Variants in DDAH1 observed in about 807,000 individuals in gnomAD.
DDAH1 encodes dimethylarginine dimethylaminohydrolase 1.
A neutral mutation model predicts 28.8 loss-of-function variants in DDAH1; 19 were observed. That is an observed-to-expected ratio of 0.66 (90% CI 0.46 to 0.97). The LOEUF is 0.97. Ranked by LOEUF, DDAH1 falls within the 50% of genes least tolerant of loss-of-function variation. DDAH1 has a pLI of 0.00. For synonymous variants in DDAH1, 153 were observed against 154.4 expected (o/e 0.99, Z 0.07); for missense variants, 326 against 375.9 (o/e 0.87, Z 1.10).
At chr1:85,368,329 G>A (rs1304038846) in intron 1 of DDAH1, among the ~76,000 whole-genome samples, 1 of 152,150 alleles carries the variant, frequency 6.6e-6, no homozygotes, top group Non-Finnish European at 1.5e-5. Context: ...AACCCACGGA[G>A]CCAGGAGAAA....
chr1:85,381,774 T>A (rs1651008828), intron 1 of DDAH1, among the ~76,000 whole-genome samples: 1 of 152,192 alleles, frequency 6.6e-6, no homozygotes, highest in South Asian at 2.1e-4. Flanking sequence ...GCAAGTCTAT[T>A]GATGCCATTC....
At chr1:85,427,274 A>T (rs1252256503) in intron 1 of DDAH1, among the ~76,000 whole-genome samples, 7 of 6,168 alleles carry the variant, frequency 1.1e-3, no homozygotes, top group African/African-American at 1.1e-3. Context: ...AGTGAGCTAA[A>T]AAAAAAAAAA....
At chr1:85,404,887 G>A (rs182961944) in intron 1 of DDAH1, among the ~76,000 whole-genome samples, 2 of 152,258 alleles carry the variant, frequency 1.3e-5, no homozygotes, top group Non-Finnish European at 2.9e-5. Context: ...TTTCTTTGAG[G>A]GAACGCCATT....
chr1:85,525,759 A>G (rs1163756822), intron 1 of DDAH1, among the ~76,000 whole-genome samples: 2 of 152,126 alleles, frequency 1.3e-5, no homozygotes, highest in African/African-American at 4.8e-5. Flanking sequence ...TATCCCTGCA[A>G]GAGAGTAATT....
At chr1:85,348,133 T>C (rs1648981073) in intron 4 of DDAH1, among the ~76,000 whole-genome samples, 1 of 152,180 alleles carries the variant, frequency 6.6e-6, no homozygotes, top group African/African-American at 2.4e-5. Flanking sequence ...ACATCATTAT[T>C]AACACTAACT....
chr1:85,437,697 T>C lies in DDAH1; in HGVS notation c.303+27046A>G, dbSNP rs550098903. 2.9e-3 allele frequency among the ~76,000 whole-genome samples: 442 copies of C among 152,330 alleles called. 1 individual carries two copies. Among genetic ancestry groups the C allele is most frequent in the African/African-American group, 9.9e-3 (411 of 41,578 alleles). The stretch of plus-strand genomic sequence containing the variant: ...TAAGTTTTGGGGGAGTCAAAAGTTA[T>C]ATGCAGTTTTTTTGTGCCAATGTAT... On this transcript the variant is annotated intron_variant, in intron 1 of 5. Transcript: ENST00000284031.
chr1:85,379,814 C>G (rs1650881002), intron 1 of DDAH1: 3 of 562,182 alleles, frequency 5.3e-6, no homozygotes, highest in Non-Finnish European at 6.8e-6. Flanking sequence ...ATCTTTGACT[C>G]CTTCTGAGTT....
chr1:85,485,242 T>C (rs1255754948), intron 2 of DDAH1, among the ~76,000 whole-genome samples: 3 of 152,170 alleles, frequency 2.0e-5, no homozygotes, highest in Admixed American at 6.5e-5. Flanking sequence ...ATAAGTCATA[T>C]GATAAACAAT....
intron 4 of DDAH1, among the ~76,000 whole-genome samples, chr1:85,336,434 GACT>G (rs1170548715): frequency 2.0e-5 from 3 of 151,980 alleles, no homozygotes; most frequent in South Asian, 4.2e-4. Flanking sequence ...GCTCCTGAAT[GACT>G]ACAAGGTCAA....
intron 1 of DDAH1, among the ~76,000 whole-genome samples, chr1:85,404,009 C>T (rs1009113698): frequency 1.3e-5 from 2 of 152,136 alleles, no homozygotes; most frequent in African/African-American, 4.8e-5. Context: ...AAAACAATTT[C>T]TATATCTTAA....
At chr1:85,577,682 C>A (rs2100579939) in intron 1 of DDAH1, among the ~76,000 whole-genome samples, 1 of 152,070 alleles carries the variant, frequency 6.6e-6, no homozygotes, top group South Asian at 2.1e-4. Context: ...GAGAGCCTTC[C>A]TAGGGCTAGG....
intron 1 of DDAH1, among the ~76,000 whole-genome samples, chr1:85,400,823 C>T (rs973520822): frequency 6.6e-6 from 1 of 152,162 alleles, no homozygotes; most frequent in Admixed American, 6.5e-5. Context: ...GTAGACCATA[C>T]ATTGTGTTCC....
At chr1:85,512,614 C>T (rs1042797370) in intron 1 of DDAH1, among the ~76,000 whole-genome samples, 3 of 152,152 alleles carry the variant, frequency 2.0e-5, no homozygotes, top group Non-Finnish European at 2.9e-5. Context: ...TCGTCTCAGC[C>T]CCAAATCTCC....
chr1:85,464,649 G>A lies in DDAH1; in HGVS notation c.303+94C>T. 6.8e-7 allele frequency: 1 copy of A among 1,474,538 alleles called. No homozygotes were observed. Among genetic ancestry groups the A allele is most frequent in the Non-Finnish European group, 9.0e-7 (1 of 1,114,820 alleles). The allele number at this position is 1,474,538 out of a possible 1,614,324, so 91.3% of individuals were successfully genotyped here. A position where few individuals can be genotyped will look rare whatever the true frequency, so the allele number is the denominator to read the frequency against. ...GGGAAGTTGTGAACTACTAGCCCGA[G>A]GGCCAATGGCGCGACTCCCCAGGCA... is the stretch of plus-strand genomic sequence containing the variant. On this transcript the variant is annotated intron_variant, in intron 1 of 5. Transcript: ENST00000284031. The surrounding 1 kb of genome is among the most constrained non-coding windows in gnomAD (Gnocchi z 4.4).
chr1:85,510,962 A>T (rs1657204703), intron 1 of DDAH1, among the ~76,000 whole-genome samples: 1 of 152,238 alleles, frequency 6.6e-6, no homozygotes, highest in African/African-American at 2.4e-5. Context: ...GTTAACAAGG[A>T]TATCCAGGAC....
At chr1:85,520,450 C>A (rs1327123135) in intron 1 of DDAH1, among the ~76,000 whole-genome samples, 9 of 152,296 alleles carry the variant, frequency 5.9e-5, no homozygotes, top group African/African-American at 2.2e-4. Flanking sequence ...AGGTTGTCAT[C>A]TATTGAACAG....
chr1:85,568,452 G>A (rs1167492450), intron 1 of DDAH1, among the ~76,000 whole-genome samples: 2 of 152,112 alleles, frequency 1.3e-5, no homozygotes, highest in Non-Finnish European at 1.5e-5. Flanking sequence ...GCCTAGGGAA[G>A]GGCTTCAAAT....
chr1:85,571,749 A>G (rs1273048874), intron 1 of DDAH1, among the ~76,000 whole-genome samples: 1 of 145,844 alleles, frequency 6.9e-6, no homozygotes, highest in Non-Finnish European at 1.5e-5. Context: ...CATACAATAC[A>G]TATTGCCTTT....
intron 1 of DDAH1, among the ~76,000 whole-genome samples, chr1:85,573,274 A>G (rs1659510363): frequency 6.6e-6 from 1 of 152,186 alleles, no homozygotes; most frequent in Non-Finnish European, 1.5e-5. Flanking sequence ...CCCAGAGCAA[A>G]TCCTTTCTAA....
Sources: gnomAD v4.1 joint callset for allele counts (sites outside exome capture counted in the v4.1 genomes callset) on GRCh38, gnomAD v4.1.1 for gene constraint, Gnocchi (gnomAD v3.1) non-coding constraint, MANE v1.5 for transcripts, NCBI Gene and HGNC (gene_info 2026-07-23, HGNC 2026-07-21) for gene names.